Variants in TNKS observed in about 807,000 individuals in gnomAD.
TNKS encodes tankyrase, also known as poly [ADP-ribose] polymerase tankyrase-1.
A neutral mutation model predicts 135.8 loss-of-function variants in TNKS; 72 were observed. The observed-to-expected ratio is 0.53, with a 90% CI of 0.44 to 0.64. The LOEUF is 0.64. TNKS is among the 30% of genes least tolerant of loss of function. TNKS has a pLI of 0.00. For synonymous variants in TNKS, 849 were observed against 649.3 expected, an observed-to-expected ratio of 1.31 and a Z score of -4.68; for missense variants, 1,769 against 1,674.0, an observed-to-expected ratio of 1.06 and a Z score of -0.99.
chr8:9,773,510 CATATGTTTTAA>C (rs1256240757), intron 26 of TNKS, among the ~76,000 whole-genome samples: 4 of 151,924 alleles, frequency 2.6e-5, no homozygotes, highest in Non-Finnish European at 5.9e-5. Context: ...TTCTCTTTAC[CATATGTTTTAA>C]ATATAAGTTA....
chr8:9,673,632 G>C (rs1431952358), intron 3 of TNKS, among the ~76,000 whole-genome samples: 1 of 151,858 alleles, frequency 6.6e-6, no homozygotes, highest in African/African-American at 2.4e-5. Context: ...TTTTAGTAGA[G>C]AGGAGGTTTC....
intron 2 of TNKS, among the ~76,000 whole-genome samples, chr8:9,607,265 A>G (rs10103752): frequency 0.29 from 43,741 of 152,072 alleles, 6,587 homozygotes; most frequent in East Asian, 0.38. Flanking sequence ...TGCAAATGTT[A>G]TTCATATTTG....
chr8:9,642,072 T>C (rs1800750963), intron 3 of TNKS, among the ~76,000 whole-genome samples: 3 of 146,344 alleles, frequency 2.0e-5, no homozygotes, highest in Middle Eastern at 6.9e-3. Flanking sequence ...CTTTTAAGTT[T>C]ATCAAGATGA....
At chr8:9,681,795 C>T (rs576319650) in intron 5 of TNKS, among the ~76,000 whole-genome samples, 29 of 152,140 alleles carry the variant, frequency 1.9e-4, no homozygotes, top group Admixed American at 3.9e-4. Flanking sequence ...TTGCAAGCTT[C>T]CCCACTTTTT....
At chr8:9,680,690 A>T in intron 4 of TNKS, 35 bp from the exon 5 acceptor site, 1 of 1,463,644 alleles carries the variant, frequency 6.8e-7, no homozygotes, top group South Asian at 1.2e-5. Context: ...GAAGCTTTGT[A>T]ATTTTAGAGG....
In TNKS at chr8:9,632,185, C is replaced by G. The variant is rs1363712227; in HGVS notation, c.994+16508C>G. Reference sequence around the variant, plus strand: ...TCAAATTCAACTGCAGTTTTTGCCTCAAAGTTGTACTTTAAACCACTAAGT... The same window carrying G: ...TCAAATTCAACTGCAGTTTTTGCCTGAAAGTTGTACTTTAAACCACTAAGT... On this transcript the variant is annotated intron_variant, in intron 3 of 26. Transcript: ENST00000310430. 3.9e-5 allele frequency among the ~76,000 whole-genome samples: 6 copies of G among 152,134 alleles called. No individual in the cohort carries two copies. In the East Asian group the frequency reaches 1.2e-3, roughly 29 times the overall value.
At chr8:9,653,683 G>A (rs1381275181) in intron 3 of TNKS, among the ~76,000 whole-genome samples, 1 of 152,018 alleles carries the variant, frequency 6.6e-6, no homozygotes, top group Non-Finnish European at 1.5e-5. Flanking sequence ...CCTCTTAAAG[G>A]CCCCACTTCT....
At chr8:9,653,318 T>C (rs1290221437) in intron 3 of TNKS, among the ~76,000 whole-genome samples, 4 of 152,116 alleles carry the variant, frequency 2.6e-5, no homozygotes, top group African/African-American at 9.7e-5. Context: ...GTATCATGCA[T>C]CTGACTGTCT....
At chr8:9,728,790 G>T (rs1360609911) in intron 13 of TNKS, among the ~76,000 whole-genome samples, 11 of 152,082 alleles carry the variant, frequency 7.2e-5, no homozygotes, top group Admixed American at 7.2e-4. Context: ...TTAGAGGCTG[G>T]TGCATTTCCG....
chr8:9,566,808 C>T (rs61424210), intron 1 of TNKS, among the ~76,000 whole-genome samples: 1,812 of 151,612 alleles, frequency 0.012, 30 homozygotes, highest in African/African-American at 0.041. Flanking sequence ...CGGGGTTTCA[C>T]CTTGTTAGCC....
At chr8:9,745,835 A>G (rs1383132719) in intron 17 of TNKS, among the ~76,000 whole-genome samples, 1 of 152,192 alleles carries the variant, frequency 6.6e-6, no homozygotes, top group African/African-American at 2.4e-5. Flanking sequence ...AGAAACTACT[A>G]TTTCTAAAAT....
rs1808300754 is a variant in TNKS at position 9,777,927 on chromosome 8, G to C, written c.*1191G>C. 1 of 152,528 alleles carries C rather than the reference G, an allele frequency of 6.6e-6. No homozygotes were observed. Among genetic ancestry groups the C allele is most frequent in the Non-Finnish European group, 1.5e-5 (1 of 68,020 alleles). The allele number at this position is 152,528 out of a possible 1,614,324, so 9.4% of individuals were successfully genotyped here. A position where few individuals can be genotyped will look rare whatever the true frequency, so the allele number is the denominator to read the frequency against. On this transcript the variant is annotated 3_prime_UTR_variant, in exon 27 of 27. Transcript: ENST00000310430. ...TTACTCCAGATTTGGGGTTTATTTT[G>C]AGTGGCATGCTTCAAATAGTTCATA...
chr8:9,612,502 C>G (rs1056925222), intron 2 of TNKS, among the ~76,000 whole-genome samples: 2 of 152,066 alleles, frequency 1.3e-5, no homozygotes, highest in East Asian at 1.9e-4. Context: ...CAAACCCAGC[C>G]TATCTCTTGT....
At chr8:9,610,045 G>A (rs1799391659) in intron 2 of TNKS, among the ~76,000 whole-genome samples, 1 of 151,956 alleles carries the variant, frequency 6.6e-6, no homozygotes, top group South Asian at 2.1e-4. Context: ...TTTTAATAGA[G>A]ATGGGGTTTC....
At chr8:9,614,781 A>G (rs1029204869) in intron 2 of TNKS, among the ~76,000 whole-genome samples, 5 of 152,090 alleles carry the variant, frequency 3.3e-5, no homozygotes, top group Non-Finnish European at 4.4e-5. Context: ...CACCCTCCCT[A>G]CGTATACACA....
At chr8:9,750,888 A>G (rs1356446972) in intron 18 of TNKS, among the ~76,000 whole-genome samples, 1 of 152,234 alleles carries the variant, frequency 6.6e-6, no homozygotes, top group East Asian at 1.9e-4. Flanking sequence ...CTCCCTGCAT[A>G]GGATCTCACC....
At chr8:9,565,349 C>T (rs913703618) in intron 1 of TNKS, among the ~76,000 whole-genome samples, 4 of 151,956 alleles carry the variant, frequency 2.6e-5, no homozygotes, top group African/African-American at 4.8e-5. Flanking sequence ...TCCCTTTTGC[C>T]TTTTCAGTAG....
intron 26 of TNKS, among the ~76,000 whole-genome samples, chr8:9,772,689 G>T (rs1164902697): frequency 6.6e-6 from 1 of 151,980 alleles, no homozygotes; most frequent in Non-Finnish European, 1.5e-5. Flanking sequence ...GGTTGATTCT[G>T]TACTTACGTA....
At chr8:9,642,621 G>C (rs957309106) in intron 3 of TNKS, among the ~76,000 whole-genome samples, 3 of 145,972 alleles carry the variant, frequency 2.1e-5, no homozygotes, top group Non-Finnish European at 4.5e-5. Context: ...CTTGAAATAA[G>C]ATTTTAGTTT....
Sources: gnomAD v4.1 joint callset for allele counts (sites outside exome capture counted in the v4.1 genomes callset) on GRCh38, gnomAD v4.1.1 for gene constraint, MANE v1.5 for transcripts, NCBI Gene and HGNC (gene_info 2026-07-23, HGNC 2026-07-21) for gene names.